CIMAP2: variants seen among roughly 807,000 people sequenced by gnomAD.
CIMAP2 encodes ciliary microtubule-associated protein 2.
chr1:54,813,653 A>AG, the CIMAP2 span, among the ~76,000 whole-genome samples: 4 of 120,676 alleles, frequency 3.3e-5, no homozygotes, highest in East Asian at 1.0e-3. Flanking sequence ...AGCCCTTGTC[A>AG]GGGGGGCCTT....
the CIMAP2 span, chr1:54,811,914 C>A: frequency 6.2e-7 from 1 of 1,613,984 alleles, no homozygotes; most frequent in Non-Finnish European, 8.5e-7. Context: ...CAACAAGCCA[C>A]ACCCCCGGCC....
the CIMAP2 span, among the ~76,000 whole-genome samples, chr1:54,808,990 G>GTTTAGCATCCCTCCCCC: frequency 1.4e-5 from 2 of 147,144 alleles, no homozygotes; most frequent in East Asian, 2.0e-4. Context: ...TCTTGTGTGT[G>GTTTAGCATCCCTCCCCC]ACTGGACAGC....
chr1:54,811,773 G>GCACCCC, the CIMAP2 span: 1 of 1,325,052 alleles, frequency 7.5e-7, no homozygotes, highest in Admixed American at 2.4e-5. Flanking sequence ...CAGCCTCCAT[G>GCACCCC]CCCCCACCCC....
the CIMAP2 span, among the ~76,000 whole-genome samples, chr1:54,808,612 C>CGGAGGG: frequency 1.5e-5 from 1 of 67,344 alleles, no homozygotes; most frequent in Non-Finnish European, 3.6e-5. Flanking sequence ...CAGGTGCTGC[C>CGGAGGG]GGGGGAGGGC....
chr1:54,841,075 C>T, the CIMAP2 span, among the ~76,000 whole-genome samples: 1 of 152,130 alleles, frequency 6.6e-6, no homozygotes. Flanking sequence ...GTGTGGAGAC[C>T]CACTGGATGG....
At chr1:54,811,766 C>CGGGGGGGGGGGGGGGGGCGG in the CIMAP2 span, 1 of 1,305,190 alleles carries the variant, frequency 7.7e-7, no homozygotes, top group Non-Finnish European at 1.1e-6. Context: ...GTTCTGACAG[C>CGGGGGGGGGGGGGGGGGCGG]CTCCATGCCC....
chr1:54,813,749 A>G, the CIMAP2 span: 2,262 of 1,487,786 alleles, frequency 1.5e-3, 35 homozygotes, highest in African/African-American at 0.028. Flanking sequence ...GTTGCGGGGG[A>G]GGGTTGAGAA....
At chr1:54,811,765 G>GCGGGGGGGGGGGGGGGGCCCCCCCCCC in the CIMAP2 span, 1 of 1,301,328 alleles carries the variant, frequency 7.7e-7, no homozygotes, top group Non-Finnish European at 1.1e-6. Context: ...GGTTCTGACA[G>GCGGGGGGGGGGGGGGGGCCCCCCCCCC]CCTCCATGCC....
the CIMAP2 span, chr1:54,811,765 G>GCCGGGGGGGGGGCGCCCCC: frequency 1.5e-6 from 2 of 1,301,330 alleles, no homozygotes; most frequent in East Asian, 2.5e-5. Context: ...GGTTCTGACA[G>GCCGGGGGGGGGGCGCCCCC]CCTCCATGCC....
the CIMAP2 span, among the ~76,000 whole-genome samples, chr1:54,829,640 C>T: frequency 6.6e-6 from 1 of 152,200 alleles, no homozygotes; most frequent in Admixed American, 6.5e-5. Flanking sequence ...CAGAAAAAGT[C>T]TGCCATTCCC....
At chr1:54,811,765 G>GCCGGGGGGGGGGCGGCCCCCC in the CIMAP2 span, 1 of 1,301,326 alleles carries the variant, frequency 7.7e-7, no homozygotes, top group Non-Finnish European at 1.1e-6. Context: ...GGTTCTGACA[G>GCCGGGGGGGGGGCGGCCCCCC]CCTCCATGCC....
chr1:54,809,234 C>A, the CIMAP2 span, among the ~76,000 whole-genome samples: 30,497 of 152,094 alleles, frequency 0.2, 3,160 homozygotes, highest in East Asian at 0.32. Flanking sequence ...GCTAAGTGGG[C>A]AAGCTGGGAT....
the CIMAP2 span, among the ~76,000 whole-genome samples, chr1:54,834,131 C>T: frequency 6.6e-6 from 1 of 152,150 alleles, no homozygotes; most frequent in African/African-American, 2.4e-5. Context: ...AGCCACCATG[C>T]CTGGCCTATG....
the CIMAP2 span, chr1:54,841,661 C>T: frequency 1.2e-6 from 2 of 1,611,642 alleles, no homozygotes; most frequent in Non-Finnish European, 1.7e-6. Context: ...TCAATTTTGG[C>T]CTCTCACCAA....
At chr1:54,813,963 C>A in the CIMAP2 span, 5 of 1,604,306 alleles carry the variant, frequency 3.1e-6, no homozygotes, top group Admixed American at 8.6e-5. Context: ...TCAGCCAGTG[C>A]CCCCGCACAC....
the CIMAP2 span, among the ~76,000 whole-genome samples, chr1:54,820,085 C>CTT: frequency 5.2e-5 from 4 of 77,614 alleles, no homozygotes; most frequent in East Asian, 3.0e-4. Flanking sequence ...TCCTTCCTTC[C>CTT]CTCCTTCTTT....
At chr1:54,826,379 G>A in the CIMAP2 span, among the ~76,000 whole-genome samples, 2 of 152,176 alleles carry the variant, frequency 1.3e-5, no homozygotes, top group Admixed American at 1.3e-4. Context: ...GGACCTGGCC[G>A]CACTGCTGGG....
chr1:54,811,916 C>T, the CIMAP2 span: 1 of 1,614,122 alleles, frequency 6.2e-7, no homozygotes, highest in African/African-American at 1.3e-5. Context: ...ACAAGCCACA[C>T]CCCCGGCCTC....
At chr1:54,806,878 C>A in the CIMAP2 span, 1 of 938,458 alleles carries the variant, frequency 1.1e-6, no homozygotes, top group Non-Finnish European at 1.7e-6. Context: ...ACTTTTCTTT[C>A]ATGAGCTTGC....
Sources: allele counts gnomAD v4.1 joint callset (sites outside exome capture counted in the v4.1 genomes callset), GRCh38; gene constraint gnomAD v4.1.1; transcripts MANE v1.5; gene names NCBI Gene and HGNC (gene_info 2026-07-23, HGNC 2026-07-21).